Variants in CFI observed in about 807,000 individuals in gnomAD.
The protein encoded by CFI is complement factor I.
A neutral mutation model predicts 78.8 loss-of-function variants in CFI; 66 were observed. The observed-to-expected ratio is 0.84, with a 90% confidence interval of 0.69 to 1.03. CFI has a LOEUF of 1.03. CFI is among the 50% of genes least tolerant of loss of function. The pLI is 0.00. For synonymous variants in CFI, 250 were observed against 232.6 expected (o/e 1.07, Z -0.68); for missense variants, 706 against 704.5 (o/e 1.00, Z -0.02).
chr4:109,741,355 C>A (rs1007668485), intron 12 of CFI: 5 of 985,346 alleles, frequency 5.1e-6, no homozygotes, highest in Non-Finnish European at 4.8e-6. Flanking sequence ...CTACTTTATA[C>A]GACTGAGTAC....
intron 1 of CFI, among the ~76,000 whole-genome samples, chr4:109,797,487 A>G (rs1732203690): frequency 6.6e-6 from 1 of 152,218 alleles, no homozygotes; most frequent in Non-Finnish European, 1.5e-5. Context: ...ATAAAACATA[A>G]GTGATAAGCT....
At chr4:109,777,691 A>C (rs140127002) in intron 1 of CFI, among the ~76,000 whole-genome samples, 1 of 152,188 alleles carries the variant, frequency 6.6e-6, no homozygotes, top group Non-Finnish European at 1.5e-5. Context: ...TCTTCTCAGC[A>C]CCACATCACA....
At chr4:109,799,334 G>A (rs962461107) in intron 1 of CFI, among the ~76,000 whole-genome samples, 1 of 152,200 alleles carries the variant, frequency 6.6e-6, no homozygotes, top group South Asian at 2.1e-4. Context: ...ACCAAGACAA[G>A]TGCCTGGGGT....
At chr4:109,761,787 C>T in intron 3 of CFI, 95 bp from the exon 4 acceptor site, 1 of 1,025,016 alleles carries the variant, frequency 9.8e-7, no homozygotes, top group Non-Finnish European at 1.5e-6. Context: ...GTAATGTCCT[C>T]TCATTCTCTA....
In CFI at chr4:109,770,590, T is replaced by C. The variant is rs148506484; in HGVS notation, c.58-3766A>G. Among the ~76,000 whole-genome samples, 654 of 145,588 alleles carry C rather than the reference T, an allele frequency of 4.5e-3. 23 individuals carry two copies. Among genetic ancestry groups the C allele is most frequent in the Admixed American group, 0.042 (607 of 14,538 alleles). On this transcript the variant is annotated intron_variant, in intron 1 of 12. Coordinates refer to ENST00000394634, the MANE Select transcript of CFI (RefSeq NM_000204.5). ...AAAAAGAAAAAAAAAGAAACCGCTT[T>C]ACTGGTTTTGCCATTTAGACATGAA...
rs1487632150 is a variant in CFI, at chr4:109,764,613, T to C, written c.406A>G (p.Lys136Glu). 3 of 1,614,168 alleles carry C rather than the reference T, an allele frequency of 1.9e-6. No individual in the cohort carries two copies. The highest frequency in any genetic ancestry group is 2.5e-6 in the Non-Finnish European group (3 of 1,180,024). Residue 136 changes from lysine (K) to glutamate (E), a missense_variant, in exon 3 of 13, where the codon AAG (lysine) becomes GAG (glutamate). Transcript: ENST00000394634. ...CTGCTTTTGCATATGAACATTGTCT[T>C]ATCTTGGTCCACAAGTTTTACTTCA... ...IVEVKLVDQDKTMFICKSSWS... is the reference protein window; with the variant it reads ...IVEVKLVDQDETMFICKSSWS...
chr4:109,795,533 T>C (rs1469909360), intron 1 of CFI, among the ~76,000 whole-genome samples: 1 of 152,108 alleles, frequency 6.6e-6, no homozygotes, highest in Admixed American at 6.5e-5. Flanking sequence ...GACCTACAAA[T>C]TGCTTGACAA....
rs1579296719 is a variant in CFI at position 109,785,560 on chromosome 4, A to T, written c.57+16355T>A. ...ACCCGCCCTCCCCAAAATCTTTTTA[A>T]CAATTATTAATCAGCCTGGTGATCT... is the stretch of plus-strand genomic sequence containing the variant. On this transcript the variant is annotated intron_variant, in intron 1 of 12. Transcript: ENST00000394634. Among the ~76,000 whole-genome samples the T allele has an allele frequency of 2.6e-5, 4 of 152,148 alleles. No homozygotes were observed. The East Asian group carries it at 7.7e-4, about 29-fold the overall frequency.
intron 11 of CFI, among the ~76,000 whole-genome samples, chr4:109,743,278 T>A (rs945541526): frequency 4.6e-5 from 7 of 152,178 alleles, no homozygotes; most frequent in African/African-American, 1.7e-4. Context: ...GAACAAGAGC[T>A]TTTTTAAAAA....
chr4:109,769,961 T>C (rs1304787669), intron 1 of CFI, among the ~76,000 whole-genome samples: 1 of 152,128 alleles, frequency 6.6e-6, no homozygotes, highest in Non-Finnish European at 1.5e-5. Context: ...GGAACACATG[T>C]CAAGCACTCC....
intron 1 of CFI, among the ~76,000 whole-genome samples, chr4:109,774,391 C>A (rs913438334): frequency 2.0e-5 from 3 of 149,626 alleles, no homozygotes; most frequent in African/African-American, 7.6e-5. Flanking sequence ...GGACTAGGAA[C>A]CTGAAGGTGA....
chr4:109,744,356 G>C (rs1481013593), intron 11 of CFI, among the ~76,000 whole-genome samples: 1 of 152,132 alleles, frequency 6.6e-6, no homozygotes, highest in African/African-American at 2.4e-5. Flanking sequence ...AAATATGTGG[G>C]GGAATATGTT....
At chr4:109,777,739 A>G (rs1001723252) in intron 1 of CFI, among the ~76,000 whole-genome samples, 1 of 152,064 alleles carries the variant, frequency 6.6e-6, no homozygotes, top group Non-Finnish European at 1.5e-5. Context: ...GAAGTAAAGC[A>G]CTCCTCAGCA....
intron 1 of CFI, among the ~76,000 whole-genome samples, chr4:109,794,953 T>A (rs1731870538): frequency 6.6e-6 from 1 of 152,104 alleles, no homozygotes. Context: ...GAAACACCAA[T>A]GTAACAACCA....
chr4:109,777,991 A>C (rs937004268), intron 1 of CFI, among the ~76,000 whole-genome samples: 2 of 152,184 alleles, frequency 1.3e-5, no homozygotes, highest in African/African-American at 4.8e-5. Flanking sequence ...CAGTGTGTAG[A>C]GCGAAATTTA....
In CFI at chr4:109,773,230, A is replaced by G. The variant is rs112101803; in HGVS notation, c.58-6406T>C. Reference sequence around the variant, plus strand: ...CAGACCCACAGTAGGCTTTGCATGAACAAAACATAAACTTTTGCCAGGCGC... The same window carrying G: ...CAGACCCACAGTAGGCTTTGCATGAGCAAAACATAAACTTTTGCCAGGCGC... On this transcript the variant is annotated intron_variant, in intron 1 of 12. Transcript: ENST00000394634. Among the ~76,000 whole-genome samples the G allele has an allele frequency of 5.7e-4, 87 of 152,316 alleles. 1 individual carries two copies. The highest frequency in any genetic ancestry group is 1.8e-3 in the African/African-American group (75 of 41,582).
At chr4:109,786,450 C>T (rs1730755699) in intron 1 of CFI, among the ~76,000 whole-genome samples, 1 of 152,058 alleles carries the variant, frequency 6.6e-6, no homozygotes, top group Non-Finnish European at 1.5e-5. Context: ...CATTAGAACA[C>T]AAACAAGAAA....
At chr4:109,737,234 G>T (rs560074706), downstream of CFI, among the ~76,000 whole-genome samples, 23 of 152,178 alleles carry the variant, frequency 1.5e-4, no homozygotes, top group Non-Finnish European at 3.2e-4. Context: ...GGCTCTCCCT[G>T]GTATGGCCTT....
At chr4:109,733,639 G>A in the CFI span, among the ~76,000 whole-genome samples, 1 of 152,190 alleles carries the variant, frequency 6.6e-6, no homozygotes, top group Non-Finnish European at 1.5e-5. Context: ...CTGATGGACT[G>A]AATATGAGAG....
Sources: allele counts gnomAD v4.1 joint callset (sites outside exome capture counted in the v4.1 genomes callset), GRCh38; gene constraint gnomAD v4.1.1; transcripts MANE v1.5; gene names NCBI Gene and HGNC (gene_info 2026-07-23, HGNC 2026-07-21).